Variants in CAPN13 observed in about 807,000 individuals in gnomAD.
CAPN13 encodes calpain-13.
In CAPN13, 90 loss-of-function variants were observed where a neutral mutation model predicts 98.4. The ratio of observed to expected loss-of-function variants is 0.92; its 90% confidence interval spans 0.77 to 1.09. The LOEUF (loss-of-function observed/expected upper bound fraction) is 1.09. CAPN13 is among the 50% of genes least tolerant of loss of function. CAPN13 has a pLI of 0.00. For missense variants in CAPN13, 887 were observed against 841.3 expected (o/e 1.05, Z -0.67); for synonymous variants, 330 against 305.5 (o/e 1.08, Z -0.84).
intron 1 of CAPN13, among the ~76,000 whole-genome samples, chr2:30,793,799 G>C (rs955506090): frequency 4.6e-5 from 7 of 151,720 alleles, no homozygotes; most frequent in Non-Finnish European, 4.4e-5. Flanking sequence ...TAATTTGAGA[G>C]AGGTTTCAAG....
At chr2:30,802,623 G>A (rs1004421849) in intron 1 of CAPN13, among the ~76,000 whole-genome samples, 8 of 151,904 alleles carry the variant, frequency 5.3e-5, no homozygotes, top group East Asian at 3.9e-4. Context: ...CCTAAGAAAC[G>A]GGGAGAGCCA....
chr2:30,757,804 C>T (rs949371014), intron 8 of CAPN13, among the ~76,000 whole-genome samples: 3 of 152,204 alleles, frequency 2.0e-5, no homozygotes, highest in African/African-American at 7.2e-5. Context: ...TCCATATATA[C>T]CTCACAACAC....
rs199664439 is a variant in CAPN13, at chr2:30,743,578, C to T, written c.1250G>A (p.Arg417Gln). ...CACGGGTGGAAATTTCTCCCGGAAC[C>T]GCTGGAATTAGAGGAAACACAATGA... ...DFQVILAGSQ[R>Q]FREKFPPVFF... is the part of the protein sequence containing the mutation. Residue 417 changes from arginine to glutamine, a missense_variant and splice_region_variant, in exon 13 of 23, where the codon CGG becomes CAG. By Grantham distance (43) the Arg-to-Gln change is conservative. Transcript: ENST00000295055. 436 of 1,613,870 alleles carry T rather than the reference C, an allele frequency of 2.7e-4. 5 individuals are homozygous for T. Among genetic ancestry groups the T allele is most frequent in the South Asian group, 2.0e-3 (182 of 91,080 alleles).
intron 12 of CAPN13, 76 bp from the exon 13 acceptor site, chr2:30,743,655 C>T (rs1396187445): frequency 3.9e-6 from 5 of 1,288,342 alleles, no homozygotes; most frequent in Non-Finnish European, 5.6e-6. Flanking sequence ...GAAAGACCCA[C>T]CACCTTCTAG....
chr2:30,758,915 CTT>C (rs1365349418), intron 7 of CAPN13, among the ~76,000 whole-genome samples: 1 of 141,764 alleles, frequency 7.1e-6, no homozygotes, highest in Non-Finnish European at 1.6e-5. Context: ...GTCTTCCCTT[CTT>C]TCTTTCCTTC....
At chr2:30,784,182 A>G (rs1008719589) in intron 2 of CAPN13, among the ~76,000 whole-genome samples, 1 of 145,998 alleles carries the variant, frequency 6.8e-6, no homozygotes, top group Non-Finnish European at 1.5e-5. Flanking sequence ...TCCATCTCAA[A>G]AAAAAGAAAA....
intron 1 of CAPN13, among the ~76,000 whole-genome samples, chr2:30,795,865 T>C (rs1674831250): frequency 6.6e-6 from 1 of 152,034 alleles, no homozygotes; most frequent in Admixed American, 6.5e-5. Flanking sequence ...AGATTCTCTT[T>C]TTAAAATAGA....
Position 30,744,986 on chromosome 2 carries a change from C to T in CAPN13, c.1248+737G>A, listed in dbSNP as rs757905639. Among the ~76,000 whole-genome samples the T allele has an allele frequency of 8.5e-5, 13 of 152,180 alleles. No individual in the cohort carries two copies. In the South Asian group the frequency reaches 1.4e-3, roughly 17 times the overall value. ...GGGACCAGAGTCAGATCCTGACCCC[C>T]GCTCTGTGGCTGGGCCACCACTGTC... On this transcript the variant is annotated intron_variant, in intron 12 of 22. Transcript: ENST00000295055.
chr2:30,755,443 ATT>A (rs1451927902), intron 8 of CAPN13, among the ~76,000 whole-genome samples: 1 of 152,194 alleles, frequency 6.6e-6, no homozygotes, highest in Non-Finnish European at 1.5e-5. Context: ...TGCAAAAGTA[ATT>A]GCATGCCTAA....
Position 30,732,558 on chromosome 2 carries a change from T to A in CAPN13, c.1807A>T (p.Arg603Ter). 5 of 1,608,038 alleles carry A rather than the reference T, an allele frequency of 3.1e-6. No homozygotes were observed. The highest frequency in any genetic ancestry group is 4.2e-6 in the Non-Finnish European group (5 of 1,177,838). ...WKAIENTDFL[R>*]GIFISRELLH... is the part of the protein sequence containing the mutation. Reference sequence around the variant, plus strand: ...AGCTCACGGCTGATGAAGATCCCTCTGAGGAAGTCTGGGGCCACAGGTGAA... The same window carrying A: ...AGCTCACGGCTGATGAAGATCCCTCAGAGGAAGTCTGGGGCCACAGGTGAA... The change falls in exon 20 of 23, where the codon AGA becomes TGA. Residue 603 changes from arginine (R) to a stop codon, truncating the protein, a stop_gained. Transcript: ENST00000295055. LOFTEE classifies it high-confidence loss of function.
chr2:30,800,832 A>T (rs1675227050), intron 1 of CAPN13, among the ~76,000 whole-genome samples: 1 of 152,236 alleles, frequency 6.6e-6, no homozygotes, highest in African/African-American at 2.4e-5. Context: ...CAATTATGAT[A>T]GGGTTGAGTA....
intron 22 of CAPN13, among the ~76,000 whole-genome samples, chr2:30,725,681 G>A (rs993319758): frequency 2.6e-5 from 4 of 152,160 alleles, no homozygotes; most frequent in African/African-American, 9.7e-5. Flanking sequence ...TCTCTGGATC[G>A]AATCCTGGCT....
chr2:30,793,083 T>C (rs1184735917), intron 1 of CAPN13, among the ~76,000 whole-genome samples: 1 of 151,868 alleles, frequency 6.6e-6, no homozygotes, highest in African/African-American at 2.4e-5. Flanking sequence ...TTCTTCCCTT[T>C]ACAATCAGAA....
chr2:30,806,852 A>G (rs1675659148), intron 1 of CAPN13, among the ~76,000 whole-genome samples: 1 of 152,192 alleles, frequency 6.6e-6, no homozygotes, highest in African/African-American at 2.4e-5. Context: ...TTAGAAAACA[A>G]AGGGCCCAGG....
chr2:30,757,260 G>A (rs148914048), intron 8 of CAPN13, among the ~76,000 whole-genome samples: 1 of 152,326 alleles, frequency 6.6e-6, no homozygotes, highest in South Asian at 2.1e-4. Context: ...AACCTGTTGC[G>A]GCCCCTCTGT....
rs1376480091 is a variant in CAPN13, at chr2:30,758,062, C to T, written c.850G>A (p.Gly284Arg). 5 of 1,611,326 alleles carry T rather than the reference C, an allele frequency of 3.1e-6. 1 individual carries two copies. The South Asian group carries it at 4.4e-5, about 14-fold the overall frequency. The change falls in exon 8 of 23, where the codon GGG becomes AGG. Residue 284 changes from glycine to arginine, a missense_variant. Coordinates refer to ENST00000295055, the MANE Select transcript of CAPN13 (RefSeq NM_144575.3). ...PWGWGEAEWR[G>R]RWSDGSQEWE... ...AAGCCATACCCATCACTCCAGCGCC[C>T]TCTCCATTCGGCCTCGCCCCAGCCC...
chr2:30,731,871 G>A lies in CAPN13; in HGVS notation c.1928-472C>T, dbSNP rs554924019. On this transcript the variant is annotated intron_variant, in intron 20 of 22. Coordinates refer to ENST00000295055, the MANE Select transcript of CAPN13 (RefSeq NM_144575.3). ...GCTGCAGGCTTTGCAGCAGTGCCTC[G>A]TGGCATGGCGGTGAGAGGATTATGA... is the stretch of plus-strand genomic sequence containing the variant. Among the ~76,000 whole-genome samples the A allele has an allele frequency of 1.8e-4, 27 of 152,264 alleles. No homozygotes were observed. In the East Asian group the frequency reaches 3.5e-3, roughly 20 times the overall value.
chr2:30,804,252 G>T (rs796820295), intron 1 of CAPN13, among the ~76,000 whole-genome samples: 25 of 152,306 alleles, frequency 1.6e-4, no homozygotes, highest in African/African-American at 5.8e-4. Flanking sequence ...CAAGGCTGGA[G>T]TGCAGTGGCG....
chr2:30,795,611 T>C (rs1302831924), intron 1 of CAPN13, among the ~76,000 whole-genome samples: 1 of 152,106 alleles, frequency 6.6e-6, no homozygotes, highest in Non-Finnish European at 1.5e-5. Context: ...GTTGTCTTTT[T>C]CTTATTGATT....
Sources: allele counts gnomAD v4.1 joint callset (sites outside exome capture counted in the v4.1 genomes callset), GRCh38; gene constraint gnomAD v4.1.1; transcripts MANE v1.5; gene names NCBI Gene and HGNC (gene_info 2026-07-23, HGNC 2026-07-21).